The following TIAM1 variants were observed in gnomAD, a reference collection of about 807,000 sequenced individuals.
The protein encoded by TIAM1 is rho guanine nucleotide exchange factor TIAM1.
A neutral mutation model predicts 163.5 loss-of-function variants in TIAM1; 65 were observed. That is an observed-to-expected ratio of 0.40 (90% CI 0.33 to 0.49). The LOEUF (loss-of-function observed/expected upper bound fraction) is 0.49, where lower values mean the gene tolerates loss of function less well. TIAM1 is among the 20% of genes least tolerant of loss of function. The probability of loss-of-function intolerance (pLI) is 0.77; values close to 1 mark genes in which losing one functional copy is unlikely to be tolerated. For missense variants in TIAM1, 1,789 were observed against 2,044.7 expected, an observed-to-expected ratio of 0.87 and a Z score of 2.41; for synonymous variants, 833 against 810.1, an observed-to-expected ratio of 1.03 and a Z score of -0.48.
intron 2 of TIAM1, among the ~76,000 whole-genome samples, chr21:31,284,161 G>A (rs1443381219): frequency 1.3e-5 from 2 of 152,250 alleles, no homozygotes; most frequent in African/African-American, 4.8e-5. Flanking sequence ...GCTCGTGCAA[G>A]AAGACAGTGG....
chr21:31,466,894 C>T (rs1031748532), intron 1 of TIAM1, among the ~76,000 whole-genome samples: 23 of 150,718 alleles, frequency 1.5e-4, no homozygotes, highest in Admixed American at 8.6e-4. Flanking sequence ...GATATTGAGG[C>T]AGATTGATTC....
chr21:31,336,829 G>C (rs1481834117), intron 2 of TIAM1, among the ~76,000 whole-genome samples: 2 of 152,168 alleles, frequency 1.3e-5, no homozygotes, highest in African/African-American at 4.8e-5. Flanking sequence ...TGAATCGGCA[G>C]AGAGCAGGCA....
chr21:31,227,963 C>T lies in TIAM1; in HGVS notation c.1585-2013G>A, dbSNP rs147082217. ...CTGTCACCAGGCTGGAGTGCAGTGG[C>T]GCGATCTCAGTTCACTGCAACCTCC... On this transcript the variant is annotated intron_variant, in intron 6 of 27. Coordinates refer to ENST00000541036, the MANE Select transcript of TIAM1 (RefSeq NM_001353694.2). 5.1e-3 allele frequency among the ~76,000 whole-genome samples: 770 copies of T among 151,898 alleles called. 6 individuals carry two copies. Among genetic ancestry groups the T allele is most frequent in the African/African-American group, 0.018 (747 of 41,406 alleles).
intron 2 of TIAM1, among the ~76,000 whole-genome samples, chr21:31,372,117 C>G (rs2076606537): frequency 1.3e-5 from 2 of 152,210 alleles, no homozygotes; most frequent in Non-Finnish European, 2.9e-5. Flanking sequence ...TCATTTTCCT[C>G]TAGTTCCACC....
chr21:31,340,486 T>C (rs942019856), intron 1 of TIAM1, among the ~76,000 whole-genome samples: 6 of 152,200 alleles, frequency 3.9e-5, no homozygotes, highest in African/African-American at 1.4e-4. Context: ...GAAACTGCTA[T>C]GGCAGTCACC....
chr21:31,430,245 T>A (rs774642834), intron 2 of TIAM1, among the ~76,000 whole-genome samples: 32 of 128,164 alleles, frequency 2.5e-4, no homozygotes, highest in African/African-American at 9.3e-4. Flanking sequence ...TATATATATA[T>A]ATACACACAC....
intron 2 of TIAM1, among the ~76,000 whole-genome samples, chr21:31,456,014 A>G (rs1335201410): frequency 1.3e-5 from 2 of 152,182 alleles, no homozygotes; most frequent in Admixed American, 1.3e-4. Flanking sequence ...TCCGGATATC[A>G]ACGGCTATCT....
chr21:31,182,069 C>G (rs2146438926), intron 15 of TIAM1, among the ~76,000 whole-genome samples: 1 of 151,896 alleles, frequency 6.6e-6, no homozygotes, highest in East Asian at 2.0e-4. Context: ...AGGTGCGAGC[C>G]ACCACACGTG....
Position 31,118,781 on chromosome 21 carries a change from GAATAA to G in TIAM1, c.*1582_*1586del. ...CAGAAGATATAGCAAAAATTTAATA[GAATAA>G]AACTTTCAAAAGATCAAGCTCGAAG... On this transcript the variant is annotated 3_prime_UTR_variant, in exon 28 of 28. Coordinates refer to ENST00000541036, the MANE Select transcript of TIAM1 (RefSeq NM_001353694.2). 2 of 376,914 alleles carry G rather than the reference GAATAA, an allele frequency of 5.3e-6. No individual in the cohort carries two copies. Among genetic ancestry groups the G allele is most frequent in the South Asian group, 2.1e-5 (1 of 47,646 alleles). The allele number at this position is 376,914 out of a possible 1,614,324, so 23.3% of individuals were successfully genotyped here.
At chr21:31,548,440 C>T (rs1390191420) in intron 1 of TIAM1, among the ~76,000 whole-genome samples, 1 of 151,106 alleles carries the variant, frequency 6.6e-6, no homozygotes, top group Non-Finnish European at 1.5e-5. Flanking sequence ...CGTGCCAGGC[C>T]ATCTGTGTCT....
chr21:31,473,285 C>A (rs1602366318), intron 1 of TIAM1, among the ~76,000 whole-genome samples: 1 of 152,046 alleles, frequency 6.6e-6, no homozygotes, highest in East Asian at 1.9e-4. Context: ...AAAAAATTAG[C>A]TGGGCGTGGT....
intron 1 of TIAM1, among the ~76,000 whole-genome samples, chr21:31,487,072 A>G (rs1424292906): frequency 6.6e-6 from 1 of 152,194 alleles, no homozygotes; most frequent in Non-Finnish European, 1.5e-5. Flanking sequence ...GGTGCTTGAC[A>G]ACCTGGCTGC....
chr21:31,555,761 G>T (rs545615499), intron 1 of TIAM1, among the ~76,000 whole-genome samples: 3 of 152,170 alleles, frequency 2.0e-5, no homozygotes, highest in African/African-American at 7.2e-5. Context: ...CTCACAAAAC[G>T]TGTTTCTCCT....
In TIAM1 at chr21:31,119,300, GGTA is replaced by G; in HGVS notation, c.*1065_*1067del. 6.6e-6 allele frequency: 1 copy of G among 152,614 alleles called. No individual in the cohort carries two copies. The highest frequency in any genetic ancestry group is 6.5e-5 in the Admixed American group (1 of 15,284). 9.5% of individuals were successfully genotyped at this position (152,614 alleles called of 1,614,324 possible). A position where few individuals can be genotyped will look rare whatever the true frequency, so the allele number is the denominator to read the frequency against. ...GTTATGGACTGTCAGGGAAGGGGAA[GGTA>G]ATCTATGGATGAAGATGCAATTTTG... On this transcript the variant is annotated 3_prime_UTR_variant, in exon 28 of 28. Transcript: ENST00000541036.
In TIAM1 at chr21:31,439,406, C is replaced by A. The variant is rs1177619921; in HGVS notation, c.-369+24577G>T. On this transcript the variant is annotated intron_variant, in intron 2 of 28. Transcript: ENST00000286827. ...CTGGGTTCAAGCGACTCTTGTGCCTCAGCCTCCCGGGTAGCTGGGATTACA... is the reference window on the plus strand; with the variant it reads ...CTGGGTTCAAGCGACTCTTGTGCCTAAGCCTCCCGGGTAGCTGGGATTACA... 3.9e-5 allele frequency among the ~76,000 whole-genome samples: 6 copies of A among 152,348 alleles called. No homozygotes were observed. The Middle Eastern group carries it at 0.017, about 432-fold the overall frequency.
intron 1 of TIAM1, among the ~76,000 whole-genome samples, chr21:31,343,878 C>T (rs1211712911): frequency 6.6e-6 from 1 of 152,194 alleles, no homozygotes; most frequent in Non-Finnish European, 1.5e-5. Context: ...AATCTCTTTA[C>T]CCTGGAGCCA....
chr21:31,135,933 C>T lies in TIAM1; in HGVS notation c.3883G>A (p.Val1295Ile). 1.9e-6 allele frequency: 3 copies of T among 1,614,006 alleles called. No individual in the cohort carries two copies. Among genetic ancestry groups the T allele is most frequent in the South Asian group, 1.1e-5 (1 of 91,074 alleles). ...CATAAAACGCTTTTCTGATACACAC[C>T]GAATGCTGCCAACTCTGGTTCCTTT... is the stretch of plus-strand genomic sequence containing the variant. ...WKKEPELAAF[V>I]FKTAVVLVYK... The change falls in exon 23 of 28, where the codon GTC (valine) becomes ATC (isoleucine). Residue 1295 changes from valine to isoleucine, a missense_variant and splice_region_variant. This residue lies in a region of TIAM1 where 415 missense variants were observed against 439.2 expected (regional missense o/e 0.94). Transcript: ENST00000541036.
At chr21:31,257,606 AC>A (rs1375263799) in intron 4 of TIAM1, among the ~76,000 whole-genome samples, 4 of 151,846 alleles carry the variant, frequency 2.6e-5, no homozygotes, top group African/African-American at 9.7e-5. Context: ...CTCTCTTCTA[AC>A]CCATCTTCCT....
intron 2 of TIAM1, among the ~76,000 whole-genome samples, chr21:31,301,014 C>CA (rs770086610): frequency 6.4e-4 from 98 of 152,340 alleles, no homozygotes; most frequent in Non-Finnish European, 1.1e-3. Flanking sequence ...AGACAACCCC[C>CA]AGTTATGTAT....
Sources: gnomAD v4.1 joint callset for allele counts (sites outside exome capture counted in the v4.1 genomes callset) on GRCh38, gnomAD v4.1.1 for gene constraint, gnomAD v4.1.1 regional missense constraint, MANE v1.5 for transcripts, NCBI Gene and HGNC (gene_info 2026-07-23, HGNC 2026-07-21) for gene names.